Variants in RGPD3 observed in about 807,000 individuals in gnomAD.
The protein encoded by RGPD3 is ranBP2-like and GRIP domain-containing protein 3.
Under a neutral mutation model 154.5 loss-of-function variants are expected in RGPD3, and 62 were observed. The ratio of observed to expected loss-of-function variants is 0.40; its 90% CI spans 0.33 to 0.50. RGPD3 has a LOEUF of 0.50. Among genes scored for constraint, RGPD3 ranks in the 20% least tolerant of loss-of-function variants. RGPD3 has a pLI of 0.59. For synonymous variants in RGPD3, 308 were observed against 607.0 expected, an observed-to-expected ratio of 0.51 and a Z score of 7.24; for missense variants, 919 against 1,716.8, an observed-to-expected ratio of 0.54 and a Z score of 8.21.
chr2:106,466,404 AGGG>A (rs1678593584), intron 1 of RGPD3, among the ~76,000 whole-genome samples: 1 of 144,184 alleles, frequency 6.9e-6, no homozygotes, highest in Non-Finnish European at 1.5e-5. Flanking sequence ...AGAGCGCGCC[AGGG>A]AGCAGCGCCC....
intron 21 of RGPD3, among the ~76,000 whole-genome samples, chr2:106,414,094 T>A (rs1316635685): frequency 1.3e-5 from 2 of 151,876 alleles, no homozygotes; most frequent in Admixed American, 1.3e-4. Context: ...TTCAGGAATA[T>A]AAGACAATGT....
Position 106,424,643 on chromosome 2 carries a change from C to T in RGPD3, c.3324G>A (p.Val1108=). 2 of 1,611,984 alleles carry T rather than the reference C, an allele frequency of 1.2e-6. No homozygotes were observed. The highest frequency in any genetic ancestry group is 8.5e-7 in the Non-Finnish European group (1 of 1,179,852). ...MLMQREQVLK[V]CANHWITTTM... ...TAGTCGTTATCCAATGATTAGCACA[C>T]ACTTTTAGTACTTGTTCTCTTTGCA... The change falls in exon 20 of 23, where the codon GTG becomes GTA. Residue 1108 remains valine, a synonymous_variant. Transcript: ENST00000409886.
At chr2:106,411,757 G>A (rs1284040589) in intron 22 of RGPD3, among the ~76,000 whole-genome samples, 1 of 152,152 alleles carries the variant, frequency 6.6e-6, no homozygotes, top group Non-Finnish European at 1.5e-5. Context: ...GGAGGAGGTT[G>A]CAGTGAGCCA....
chr2:106,461,921 T>C (rs902179811), intron 1 of RGPD3, among the ~76,000 whole-genome samples: 64 of 145,784 alleles, frequency 4.4e-4, no homozygotes, highest in Non-Finnish European at 7.1e-4. Flanking sequence ...CCCCCCTTCC[T>C]TTTTTTTTTT....
At chr2:106,449,974 G>A (rs1245537179) in intron 6 of RGPD3, among the ~76,000 whole-genome samples, 6 of 149,322 alleles carry the variant, frequency 4.0e-5, no homozygotes, top group African/African-American at 1.2e-4. Context: ...CCGAGATGGC[G>A]CCACTGCACT....
intron 9 of RGPD3, among the ~76,000 whole-genome samples, chr2:106,437,543 T>G (rs2104480128): frequency 6.6e-6 from 1 of 152,290 alleles, no homozygotes; most frequent in African/African-American, 2.4e-5. Flanking sequence ...AAGAAAAGGT[T>G]ATGCGCTTCT....
intron 6 of RGPD3, among the ~76,000 whole-genome samples, chr2:106,449,599 C>T (rs1190115142): frequency 5.3e-5 from 8 of 151,904 alleles, no homozygotes; most frequent in East Asian, 1.9e-4. Flanking sequence ...CACATACGGC[C>T]GGGTGCAGTG....
At position 106,459,450 on chromosome 2, in the gene RGPD3, A is replaced by G. The variant is rs1321501982; in HGVS notation, c.73-118T>C. 7 of 500,982 alleles carry G rather than the reference A, an allele frequency of 1.4e-5. No individual in the cohort carries two copies. In the Admixed American group the frequency reaches 2.5e-4, roughly 18 times the overall value. 31.0% of individuals were successfully genotyped at this position (500,982 alleles called of 1,614,324 possible). ...CAAATATGCCATTTTCATTCACTTA[A>G]AAGTTTTTTTTAAAGCCTGACAAAT... is the stretch of plus-strand genomic sequence containing the variant. On this transcript the variant is annotated intron_variant, in intron 1 of 22. Transcript: ENST00000409886.
Position 106,405,102 on chromosome 2 carries a change from T to C in RGPD3, c.*117A>G. ...GACAAAAGAATGATGGTAATACACA[T>C]GAACCATTTTTGTAAATAGATTTTA... On this transcript the variant is annotated 3_prime_UTR_variant, in exon 23 of 23. Coordinates refer to ENST00000409886, the MANE Select transcript of RGPD3 (RefSeq NM_001144013.2). 4 of 1,436,716 alleles carry C rather than the reference T, an allele frequency of 2.8e-6. No homozygotes were observed. Among genetic ancestry groups the C allele is most frequent in the African/African-American group, 2.9e-5 (2 of 70,032 alleles). 89.0% of individuals were successfully genotyped at this position (1,436,716 alleles called of 1,614,324 possible).
intron 1 of RGPD3, among the ~76,000 whole-genome samples, chr2:106,467,184 C>CAGGGCCGGGT (rs1678642428): frequency 3.5e-4 from 1 of 2,872 alleles, no homozygotes; most frequent in Non-Finnish European, 6.5e-4. Context: ...GAGGCCGCCG[C>CAGGGCCGGGT]CTCAACAGAG....
chr2:106,468,112 C>T, intron 1 of RGPD3, 105 bp downstream of exon 1: 1 of 1,424,996 alleles, frequency 7.0e-7, no homozygotes. Flanking sequence ...GGGAGCAGCG[C>T]TCGTCGGGAG....
chr2:106,450,932 T>C (rs775373462), intron 6 of RGPD3, among the ~76,000 whole-genome samples: 2 of 116,354 alleles, frequency 1.7e-5, no homozygotes, highest in African/African-American at 3.2e-5. Context: ...CTACTAAAAA[T>C]ACAAAAATTA....
chr2:106,420,867 G>C (rs1279264631), intron 20 of RGPD3, among the ~76,000 whole-genome samples: 1 of 152,244 alleles, frequency 6.6e-6, no homozygotes, highest in Non-Finnish European at 1.5e-5. Flanking sequence ...CCTGGAACTT[G>C]TGGGCTCAAG....
chr2:106,440,321 G>A (rs71257751), intron 8 of RGPD3, among the ~76,000 whole-genome samples: 8,275 of 143,594 alleles, frequency 0.058, 347 homozygotes, highest in Non-Finnish European at 0.086. Flanking sequence ...ACCCTCCTTC[G>A]AGTTAATTCT....
rs1678620036 is a variant in RGPD3 at position 106,466,870 on chromosome 2, ATCGAGGCCGCCGCCGGGCCG to A, written c.72+1327_72+1346del. On this transcript the variant is annotated intron_variant, in intron 1 of 22. Coordinates refer to ENST00000409886, the MANE Select transcript of RGPD3 (RefSeq NM_001144013.2). Reference sequence around the variant, plus strand: ...CGTCGGGAGCCATGACGCCTGAGCCATCGAGGCCGCCGCCGGGCCGGGTCGAGGCCGCCGCCTCCACAGAG... The same window carrying A: ...CGTCGGGAGCCATGACGCCTGAGCCAGGTCGAGGCCGCCGCCTCCACAGAG... Among the ~76,000 whole-genome samples the A allele has an allele frequency of 2.5e-5, 2 of 78,472 alleles. 1 individual carries two copies. 51.5% of individuals were successfully genotyped at this position (78,472 alleles called of 152,430 possible). A position where few individuals can be genotyped will look rare whatever the true frequency, so the allele number is the denominator to read the frequency against.
intron 7 of RGPD3, among the ~76,000 whole-genome samples, chr2:106,441,658 C>T (rs1220481298): frequency 2.0e-5 from 3 of 148,538 alleles, no homozygotes; most frequent in Admixed American, 6.7e-5. Flanking sequence ...AGTTCGAGAC[C>T]AGCCTGGCCA....
At position 106,412,293 on chromosome 2, in the gene RGPD3, G is replaced by GT. The variant is rs772813472; in HGVS notation, c.5266+790dup. Among the ~76,000 whole-genome samples, 30 of 45,008 alleles carry GT rather than the reference G, an allele frequency of 6.7e-4. 9 individuals are homozygous for GT. The highest frequency in any genetic ancestry group is 8.7e-4 in the Non-Finnish European group (22 of 25,192). The allele number at this position is 45,008 out of a possible 152,430, so 29.5% of individuals were successfully genotyped here. A position where few individuals can be genotyped will look rare whatever the true frequency, so the allele number is the denominator to read the frequency against. On this transcript the variant is annotated intron_variant, in intron 22 of 22. Coordinates refer to ENST00000409886, the MANE Select transcript of RGPD3 (RefSeq NM_001144013.2). ...GGAAACCAACTCTAACTACATCATA[G>GT]TTTTTTTTTTTTTTTTTTTTTTTTT...
At chr2:106,439,822 C>T (rs1224321574) in intron 8 of RGPD3, among the ~76,000 whole-genome samples, 9 of 112,110 alleles carry the variant, frequency 8.0e-5, no homozygotes, top group East Asian at 5.1e-4. Context: ...GCCGAGATCA[C>T]GCCACTGCAC....
At chr2:106,463,726 A>ACAATCAAT (rs1327230013) in intron 1 of RGPD3, among the ~76,000 whole-genome samples, 1 of 151,764 alleles carries the variant, frequency 6.6e-6, no homozygotes, top group African/African-American at 2.4e-5. Flanking sequence ...TTCCAGGTAG[A>ACAATCAAT]CAATCAATCA....
Sources: gnomAD v4.1 joint callset for allele counts (sites outside exome capture counted in the v4.1 genomes callset) on GRCh38, gnomAD v4.1.1 for gene constraint, MANE v1.5 for transcripts, NCBI Gene and HGNC (gene_info 2026-07-23, HGNC 2026-07-21) for gene names.